RPS27A: variants seen among roughly 807,000 people sequenced by gnomAD.
The protein encoded by RPS27A is ubiquitin-ribosomal protein eS31 fusion protein.
A neutral mutation model predicts 18.9 loss-of-function variants in RPS27A; 1 was observed. The ratio of observed to expected loss-of-function variants is 0.05; its 90% CI spans 0.02 to 0.25. The LOEUF (loss-of-function observed/expected upper bound fraction) is 0.25. Ranked by LOEUF, RPS27A falls within the 10% of genes least tolerant of loss-of-function variation. The pLI is 1.00. For synonymous variants in RPS27A, 77 were observed against 63.7 expected (o/e 1.21, Z -0.99); for missense variants, 123 against 187.4 (o/e 0.66, Z 2.01).
At position 55,234,273 on chromosome 2, in the gene RPS27A, T is replaced by C. The variant is rs74478570; in HGVS notation, c.189+69T>C. 0.015 allele frequency: 17,033 copies of C among 1,147,760 alleles called. 1,511 individuals carry two copies. In the African/African-American group the frequency reaches 0.21, roughly 14 times the overall value. 71.1% of individuals were successfully genotyped at this position (1,147,760 alleles called of 1,614,324 possible). A position where few individuals can be genotyped will look rare whatever the true frequency, so the allele number is the denominator to read the frequency against. ...ATTTTGGAAATTTTTTATTTTACTT[T>C]TTTTGAGACAGGCTCTGACTCTGTC... On this transcript the variant is annotated intron_variant, in intron 4 of 5. Transcript: ENST00000272317.
At chr2:55,234,743 C>T (rs1675706567) in intron 4 of RPS27A, 88 bp from the exon 5 acceptor site, 1 of 1,457,238 alleles carries the variant, frequency 6.9e-7, no homozygotes, top group South Asian at 1.2e-5. Context: ...TTGTGTGCTG[C>T]TACTGCTTTT....
chr2:55,233,080 C>G (rs1251486526), intron 2 of RPS27A: 3 of 651,410 alleles, frequency 4.6e-6, no homozygotes, highest in African/African-American at 1.8e-5. Flanking sequence ...TCGAGGGGTT[C>G]CAGCTAGTTA....
intron 4 of RPS27A, chr2:55,234,588 G>A (rs1376336872): frequency 6.9e-6 from 4 of 576,590 alleles, no homozygotes; most frequent in East Asian, 6.0e-5. Context: ...TACTTGAGAA[G>A]CACTGCTATA....
In RPS27A at chr2:55,233,344, T is replaced by C. The variant is rs751703994; in HGVS notation, c.49-19T>C. 5 of 1,604,906 alleles carry C rather than the reference T, an allele frequency of 3.1e-6. No homozygotes were observed. The highest frequency in any genetic ancestry group is 4.3e-6 in the Non-Finnish European group (5 of 1,171,548). On this transcript the variant is annotated intron_variant, in intron 2 of 5. Transcript: ENST00000272317. ...TTCCTTAATGTGTAACCAACATGCT[T>C]TCACTTTAACACTCATAGGTTGAAC...
In RPS27A at chr2:55,233,292, T is replaced by G. The variant is rs1197492770; in HGVS notation, c.49-71T>G. On this transcript the variant is annotated intron_variant, in intron 2 of 5. Transcript: ENST00000272317. ...GTCGCTGGTTCGGTTCAGTGGTAAT[T>G]GTCAAACTAAATGAGTTCTGCTGTA... The G allele has an allele frequency of 5.4e-6, 7 of 1,302,478 alleles. No individual in the cohort carries two copies. In the East Asian group the frequency reaches 1.4e-4, roughly 26 times the overall value. 80.7% of individuals were successfully genotyped at this position (1,302,478 alleles called of 1,614,324 possible). A position where few individuals can be genotyped will look rare whatever the true frequency, so the allele number is the denominator to read the frequency against.
chr2:55,234,645 A>T (rs982267600), intron 4 of RPS27A, 186 bp from the exon 5 acceptor site: 2 of 669,266 alleles, frequency 3.0e-6, no homozygotes, highest in Admixed American at 4.8e-5. Context: ...GGTGTAATGT[A>T]ATGCATTCTT....
intron 3 of RPS27A, 149 bp from the exon 4 acceptor site, chr2:55,233,970 G>A (rs1310805401): frequency 8.5e-6 from 6 of 703,236 alleles, no homozygotes; most frequent in East Asian, 2.6e-5. Context: ...AATGTGACAT[G>A]TAAAGATTTA....
upstream of RPS27A, chr2:55,232,453 A>G: frequency 3.0e-6 from 1 of 334,816 alleles, no homozygotes; most frequent in East Asian, 7.1e-5. Context: ...TGTACGGGAA[A>G]AGCCTTTTTA....
At chr2:55,234,742 G>A (rs1449824974) in intron 4 of RPS27A, 89 bp from the exon 5 acceptor site, 2 of 1,454,140 alleles carry the variant, frequency 1.4e-6, no homozygotes, top group Non-Finnish European at 1.9e-6. Flanking sequence ...ATTGTGTGCT[G>A]CTACTGCTTT....
At chr2:55,233,958 A>C (rs1675654401) in intron 3 of RPS27A, 161 bp from the exon 4 acceptor site, 1 of 686,328 alleles carries the variant, frequency 1.5e-6, no homozygotes, top group Non-Finnish European at 2.7e-6. Context: ...TAAATGCGGT[A>C]AAATGTGACA....
At chr2:55,232,682 TTC>T, upstream of RPS27A, 3 of 785,514 alleles carry the variant, frequency 3.8e-6, no homozygotes. Flanking sequence ...CTGCGCGGCG[TTC>T]TTCCTTTTCG....
At chr2:55,232,754 G>A in intron 1 of RPS27A, 46 bp downstream of exon 1, 2 of 1,388,738 alleles carry the variant, frequency 1.4e-6, no homozygotes, top group Non-Finnish European at 2.0e-6. Flanking sequence ...ACCCTATGGT[G>A]CCTTCTCTTG....
At chr2:55,235,063 A>G (rs571819254) in intron 5 of RPS27A, 101 bp downstream of exon 5, 51 of 1,274,086 alleles carry the variant, frequency 4.0e-5, no homozygotes, top group African/African-American at 2.2e-4. Context: ...TAAACACCCA[A>G]TATTATCCCA....
chr2:55,235,053 T>TAA, intron 5 of RPS27A, 91 bp downstream of exon 5: 1 of 1,372,042 alleles, frequency 7.3e-7, no homozygotes, highest in Non-Finnish European at 1.0e-6. Flanking sequence ...TTCTTGGACT[T>TAA]AAACACCCAA....
Position 55,235,643 on chromosome 2 carries a change from G to T in RPS27A, c.*66G>T. 1 of 1,556,682 alleles carries T rather than the reference G, an allele frequency of 6.4e-7. No homozygotes were observed. The highest frequency in any genetic ancestry group is 8.8e-7 in the Non-Finnish European group (1 of 1,142,730). Reference sequence around the variant, plus strand: ...TGGGTTTTATTGCAGTAAAAAGAATGGTTTTTAAGCACCAAATTGATGGTC... The same window carrying T: ...TGGGTTTTATTGCAGTAAAAAGAATTGTTTTTAAGCACCAAATTGATGGTC... On this transcript the variant is annotated 3_prime_UTR_variant, in exon 6 of 6. Coordinates refer to ENST00000272317, the MANE Select transcript of RPS27A (RefSeq NM_002954.6).
rs1675758831 is a variant in RPS27A, at chr2:55,235,731, G to T, written c.*154G>T. On this transcript the variant is annotated 3_prime_UTR_variant, in exon 6 of 6. Transcript: ENST00000272317. ...TGTGAATGTTGCCTCTGGGGATTAT[G>T]TGACCCAGTGGTTCTGTATACCTGC... is the stretch of plus-strand genomic sequence containing the variant. 1 of 871,670 alleles carries T rather than the reference G, an allele frequency of 1.1e-6. No homozygotes were observed. Among genetic ancestry groups the T allele is most frequent in the Admixed American group, 2.0e-5 (1 of 49,346 alleles). 54.0% of individuals were successfully genotyped at this position (871,670 alleles called of 1,614,324 possible).
chr2:55,233,557 C>T (rs1675614013), intron 3 of RPS27A, 140 bp downstream of exon 3: 1 of 702,024 alleles, frequency 1.4e-6, no homozygotes, highest in Non-Finnish European at 2.6e-6. Flanking sequence ...ACACAATAGA[C>T]ATTGGTGATC....
chr2:55,233,363 G>A lies in RPS27A; in HGVS notation c.49G>A (p.Val17Ile). Residue 17 changes from valine (V) to isoleucine (I), a missense_variant and splice_region_variant, in exon 3 of 6, where the codon GTT becomes ATT. Physicochemically the swap from Val to Ile is conservative, Grantham distance 29. Coordinates refer to ENST00000272317, the MANE Select transcript of RPS27A (RefSeq NM_002954.6). The stretch of plus-strand genomic sequence containing the variant: ...CATGCTTTCACTTTAACACTCATAG[G>A]TTGAACCCTCGGATACGATAGAAAA... The part of the protein sequence containing the change: ...TLTGKTITLE[V>I]EPSDTIENVK... 6.2e-7 allele frequency: 1 copy of A among 1,611,748 alleles called. No homozygotes were observed. Among genetic ancestry groups the A allele is most frequent in the Non-Finnish European group, 8.5e-7 (1 of 1,177,820 alleles).
chr2:55,233,553 T>G, intron 3 of RPS27A, 136 bp downstream of exon 3: 1 of 708,792 alleles, frequency 1.4e-6, no homozygotes, highest in Non-Finnish European at 2.6e-6. Flanking sequence ...AATAACACAA[T>G]AGACATTGGT....
Sources: gnomAD v4.1 joint callset for allele counts on GRCh38, gnomAD v4.1.1 for gene constraint, MANE v1.5 for transcripts, NCBI Gene and HGNC (gene_info 2026-07-23, HGNC 2026-07-21) for gene names.